EGFR: variants seen among roughly 807,000 people sequenced by gnomAD.
EGFR encodes the protein epidermal growth factor receptor, also known as avian erythroblastic leukemia viral (v-erb-b) oncogene homolog.
Under a neutral mutation model 143.0 loss-of-function variants are expected in EGFR, and 58 were observed. That is an observed-to-expected ratio of 0.41 (90% CI 0.33 to 0.50). The LOEUF (loss-of-function observed/expected upper bound fraction) is 0.50. EGFR is among the 20% of genes least tolerant of loss of function. The pLI is 0.39. For synonymous variants in EGFR, 613 were observed against 594.4 expected (o/e 1.03, Z -0.45); for missense variants, 1,307 against 1,579.0 (o/e 0.83, Z 2.92).
In EGFR at chr7:55,192,962, T is replaced by C. The variant is rs1787466894; in HGVS notation, c.2701+121T>C. 5.6e-6 allele frequency: 5 copies of C among 899,684 alleles called. No individual in the cohort carries two copies. The African/African-American group carries it at 8.2e-5, about 15-fold the overall frequency. 55.7% of individuals were successfully genotyped at this position (899,684 alleles called of 1,614,324 possible). On this transcript the variant is annotated intron_variant, in intron 22 of 27. Transcript: ENST00000275493. ...TTTCTTTCGAGATAATGACTAATGA[T>C]AATGTAATCATTGCTGTCTATCTAT... is the stretch of plus-strand genomic sequence containing the variant.
intron 1 of EGFR, among the ~76,000 whole-genome samples, 190 bp from the exon 2 acceptor site, chr7:55,142,096 A>G (rs376346158): frequency 1.3e-5 from 2 of 152,350 alleles, no homozygotes; most frequent in East Asian, 3.9e-4. Context: ...GAGAATTTGT[A>G]TTATCAGTCA....
At chr7:55,162,720 C>T (rs1265526694) in intron 13 of EGFR, among the ~76,000 whole-genome samples, 1 of 152,232 alleles carries the variant, frequency 6.6e-6, no homozygotes, top group South Asian at 2.1e-4. Flanking sequence ...AGAAGAAGCA[C>T]AGAAGACACA....
At chr7:55,041,022 G>A (rs902617459) in intron 1 of EGFR, among the ~76,000 whole-genome samples, 7 of 152,222 alleles carry the variant, frequency 4.6e-5, no homozygotes, top group African/African-American at 1.4e-4. Context: ...CTGGATCACA[G>A]CAGTAGAGGA....
intron 3 of EGFR, 22 bp downstream of exon 3, chr7:55,143,510 G>C (rs1257012120): frequency 6.2e-7 from 1 of 1,613,894 alleles, no homozygotes; most frequent in African/African-American, 1.3e-5. Context: ...GGATGCCAAG[G>C]CTGGGGGTTC....
chr7:55,114,992 C>T (rs990533290), intron 1 of EGFR, among the ~76,000 whole-genome samples: 1 of 151,532 alleles, frequency 6.6e-6, no homozygotes, highest in Admixed American at 6.6e-5. Flanking sequence ...CACCATTCTC[C>T]TGCCTCAGCC....
intron 1 of EGFR, among the ~76,000 whole-genome samples, chr7:55,104,799 ATTTTTTCTGTTG>A (rs1562717667): frequency 1.3e-5 from 2 of 151,952 alleles, no homozygotes; most frequent in Non-Finnish European, 2.9e-5. Flanking sequence ...ACTGCCCCAC[ATTTTTTCTGTTG>A]TTTTACAACG....
chr7:55,197,322 G>A (rs1787660312), intron 22 of EGFR, among the ~76,000 whole-genome samples: 1 of 152,130 alleles, frequency 6.6e-6, no homozygotes, highest in Non-Finnish European at 1.5e-5. Context: ...ACTGTTGTTG[G>A]CATATTGGAA....
chr7:55,139,681 G>A (rs368750206), intron 1 of EGFR, among the ~76,000 whole-genome samples: 1 of 152,208 alleles, frequency 6.6e-6, no homozygotes, highest in African/African-American at 2.4e-5. Flanking sequence ...GGGTAATTGG[G>A]CATTTAAGTT....
chr7:55,113,295 T>C (rs1792626723), intron 1 of EGFR, among the ~76,000 whole-genome samples: 1 of 152,196 alleles, frequency 6.6e-6, no homozygotes, highest in Non-Finnish European at 1.5e-5. Flanking sequence ...TGTGAGACTA[T>C]GTGAGTGCCT....
intron 16 of EGFR, among the ~76,000 whole-genome samples, chr7:55,171,980 C>T (rs1584220181): frequency 6.6e-6 from 1 of 152,204 alleles, no homozygotes; most frequent in South Asian, 2.1e-4. Context: ...CCATAGCTCT[C>T]TCTCCTGCCA....
At chr7:55,032,861 G>A (rs1311125416) in intron 1 of EGFR, among the ~76,000 whole-genome samples, 1 of 152,088 alleles carries the variant, frequency 6.6e-6, no homozygotes, top group Non-Finnish European at 1.5e-5. Context: ...GGATACTCAG[G>A]GCACTTTTTC....
chr7:55,160,476 C>T (rs1157746025), intron 12 of EGFR, 138 bp downstream of exon 12: 1 of 982,000 alleles, frequency 1.0e-6, no homozygotes. Context: ...CTTAAGATTC[C>T]TAACTGTGAA....
chr7:55,155,211 G>A (rs1413505819), intron 7 of EGFR, among the ~76,000 whole-genome samples: 2 of 152,214 alleles, frequency 1.3e-5, no homozygotes, highest in East Asian at 3.8e-4. Flanking sequence ...GGAGACTGAA[G>A]GGGCTGGATT....
intron 20 of EGFR, among the ~76,000 whole-genome samples, chr7:55,185,167 A>G (rs1787075799): frequency 6.6e-6 from 1 of 152,190 alleles, no homozygotes; most frequent in African/African-American, 2.4e-5. Flanking sequence ...GAAAAAAAAC[A>G]GAGGTGTCTT....
intron 1 of EGFR, among the ~76,000 whole-genome samples, chr7:55,074,588 G>T (rs530284072): frequency 2.6e-5 from 4 of 152,272 alleles, no homozygotes; most frequent in Admixed American, 6.5e-5. Context: ...TTTAAATATC[G>T]TCTTGCTTGC....
chr7:55,022,935 T>G (rs759263223), intron 1 of EGFR, among the ~76,000 whole-genome samples: 1 of 152,244 alleles, frequency 6.6e-6, no homozygotes, highest in Non-Finnish European at 1.5e-5. Flanking sequence ...GATTCCTCCC[T>G]GTTTGAAAAG....
At chr7:55,120,569 C>T (rs989077322) in intron 1 of EGFR, among the ~76,000 whole-genome samples, 1 of 152,178 alleles carries the variant, frequency 6.6e-6, no homozygotes, top group African/African-American at 2.4e-5. Flanking sequence ...GAAATATTCA[C>T]CAGAGTATTT....
chr7:55,038,883 C>G (rs980275542), intron 1 of EGFR, among the ~76,000 whole-genome samples: 1 of 151,776 alleles, frequency 6.6e-6, no homozygotes, highest in Non-Finnish European at 1.5e-5. Flanking sequence ...GCTTCCCTGC[C>G]GGCAGGTGCT....
At chr7:55,132,348 G>A (rs1793895044) in intron 1 of EGFR, among the ~76,000 whole-genome samples, 2 of 152,088 alleles carry the variant, frequency 1.3e-5, no homozygotes, top group South Asian at 4.1e-4. Flanking sequence ...TCTGTTTCAG[G>A]ATTTTTGACT....
Sources: allele counts gnomAD v4.1 joint callset (sites outside exome capture counted in the v4.1 genomes callset), GRCh38; gene constraint gnomAD v4.1.1; transcripts MANE v1.5; gene names NCBI Gene and HGNC (gene_info 2026-07-23, HGNC 2026-07-21).